The following NASP variants were observed in gnomAD, a reference collection of about 807,000 sequenced individuals.
NASP encodes the protein nuclear autoantigenic sperm protein.
NASP carries 24 observed loss-of-function variants against 89.5 expected under a neutral mutation model. The observed-to-expected ratio is 0.27, with a 90% confidence interval of 0.19 to 0.38. The LOEUF is 0.38. Among genes scored for constraint, NASP ranks in the 10% least tolerant of loss-of-function variants. The probability of loss-of-function intolerance (pLI) is 1.00; values close to 1 mark genes in which losing one functional copy is unlikely to be tolerated. For missense variants in NASP, 848 were observed against 921.4 expected (o/e 0.92, Z 1.03); for synonymous variants, 306 against 324.7 (o/e 0.94, Z 0.62).
At chr1:45,584,945 C>T (rs1195222180) in intron 1 of NASP, among the ~76,000 whole-genome samples, 2 of 152,186 alleles carry the variant, frequency 1.3e-5, no homozygotes, top group African/African-American at 4.8e-5. Flanking sequence ...GATTGTCGTT[C>T]TTTAGACTTT....
Position 45,607,402 on chromosome 1 carries a change from C to G in NASP, c.491C>G (p.Ser164Cys), listed in dbSNP as rs367984886. ...KEEAKKTEDK[S>C]LAKPETDKEQ... is the part of the protein sequence containing the mutation. ...GAAGCCAAAAAAACAGAAGACAAGT[C>G]TTTGGCAAAGCCTGAAACTGATAAA... is the stretch of plus-strand genomic sequence containing the variant. The change falls in exon 6 of 15, where the codon TCT (serine) becomes TGT (cysteine). Residue 164 changes from serine to cysteine, a missense_variant. Coordinates refer to ENST00000350030, the MANE Select transcript of NASP (RefSeq NM_002482.4). 1 of 1,613,968 alleles carries G rather than the reference C, an allele frequency of 6.2e-7. No individual in the cohort carries two copies. The highest frequency in any genetic ancestry group is 1.3e-5 in the African/African-American group (1 of 75,026).
At chr1:45,603,107 C>T (rs1277697237) in intron 3 of NASP, among the ~76,000 whole-genome samples, 2 of 152,154 alleles carry the variant, frequency 1.3e-5, no homozygotes, top group Non-Finnish European at 1.5e-5. Flanking sequence ...TAGCTACCAC[C>T]AGGTAGCCAT....
rs1318891328 is a variant in NASP at position 45,606,355 on chromosome 1, T to C, written c.300-127T>C. The C allele has an allele frequency of 9.7e-6, 6 of 616,600 alleles. 1 individual carries two copies. The highest frequency in any genetic ancestry group is 8.1e-4 in the Middle Eastern group (2 of 2,464). 38.2% of individuals were successfully genotyped at this position (616,600 alleles called of 1,614,324 possible). The stretch of plus-strand genomic sequence containing the variant: ...TGATCATTGCTTCCTTGAATATACA[T>C]AGTTTTGTATTGCCTGCGCTTGGCT... On this transcript the variant is annotated intron_variant, in intron 4 of 14. Coordinates refer to ENST00000350030, the MANE Select transcript of NASP (RefSeq NM_002482.4).
At chr1:45,588,319 G>A (rs1644587381) in intron 1 of NASP, among the ~76,000 whole-genome samples, 1 of 151,656 alleles carries the variant, frequency 6.6e-6, no homozygotes, top group African/African-American at 2.4e-5. Context: ...GGCCAGGCTG[G>A]TCTCGAACTC....
Position 45,615,054 on chromosome 1 carries a change from A to C in NASP, c.1708A>C (p.Asn570His), listed in dbSNP as rs1328612933. The C allele has an allele frequency of 6.2e-7, 1 of 1,614,116 alleles. No homozygotes were observed. Among genetic ancestry groups the C allele is most frequent in the Non-Finnish European group, 8.5e-7 (1 of 1,180,008 alleles). ...QAVEEFQSCL[N>H]LQEQYLEAHD... ...TGTGGAGGAGTTCCAGTCCTGCCTT[A>C]ACCTGCAGGAACAGTACCTGGAAGC... is the stretch of plus-strand genomic sequence containing the variant. The change falls in exon 10 of 15, where the codon AAC (asparagine) becomes CAC (histidine). Residue 570 changes from asparagine (N) to histidine (H), a missense_variant. Transcript: ENST00000350030.
rs1216489451 is a variant in NASP at position 45,607,703 on chromosome 1, A to T, written c.792A>T (p.Gly264=). The T allele has an allele frequency of 6.2e-7, 1 of 1,614,152 alleles. No homozygotes were observed. Among genetic ancestry groups the T allele is most frequent in the East Asian group, 2.2e-5 (1 of 44,890 alleles). ...CREKGGQEKQ[G]EVIVSIEEKP... is the part of the protein sequence containing the mutation. ...AAAAAGGAGGTCAGGAGAAGCAGGGAGAGGTAATTGTGAGCATAGAGGAGA... is the reference window on the plus strand; with the variant it reads ...AAAAAGGAGGTCAGGAGAAGCAGGGTGAGGTAATTGTGAGCATAGAGGAGA... Residue 264 remains glycine (G), a synonymous_variant, in exon 6 of 15, where the codon GGA becomes GGT. Transcript: ENST00000350030.
chr1:45,603,889 G>A (rs187776116), intron 3 of NASP, among the ~76,000 whole-genome samples: 215 of 152,290 alleles, frequency 1.4e-3, no homozygotes, highest in African/African-American at 4.1e-3. Flanking sequence ...GATTACAGGC[G>A]TGAGCCACTG....
intron 2 of NASP, among the ~76,000 whole-genome samples, chr1:45,597,120 C>G (rs1365931409): frequency 6.6e-6 from 1 of 152,040 alleles, no homozygotes; most frequent in Non-Finnish European, 1.5e-5. Context: ...ACCAGCCTGG[C>G]CAACATGGTG....
chr1:45,615,662 A>G (rs1201052205), intron 11 of NASP, 191 bp downstream of exon 11: 2 of 566,694 alleles, frequency 3.5e-6, no homozygotes, highest in African/African-American at 3.8e-5. Flanking sequence ...TTAATTCCAT[A>G]CTTACGTGTG....
rs768372275 is a variant in NASP, at chr1:45,618,255, G to C, written c.*114G>C. 9 of 863,118 alleles carry C rather than the reference G, an allele frequency of 1.0e-5. No homozygotes were observed. Among genetic ancestry groups the C allele is most frequent in the Non-Finnish European group, 1.6e-5 (9 of 562,546 alleles). The allele number at this position is 863,118 out of a possible 1,614,324, so 53.5% of individuals were successfully genotyped here. On this transcript the variant is annotated 3_prime_UTR_variant, in exon 15 of 15. Transcript: ENST00000350030. The stretch of plus-strand genomic sequence containing the variant: ...ATAAAGATTGTAAGCAAAGGTTGAG[G>C]CTTTGATGGTTTTTTTCTTAATTAT...
chr1:45,592,720 G>C (rs1192284735), intron 2 of NASP: 1 of 152,110 alleles, frequency 6.6e-6, no homozygotes, highest in Non-Finnish European at 1.5e-5. Flanking sequence ...TCGCCATGTT[G>C]GTCAGGCTGG....
At chr1:45,586,298 TGTGTGTGTGTG>T (rs1570941077) in intron 1 of NASP, among the ~76,000 whole-genome samples, 126 of 96,594 alleles carry the variant, frequency 1.3e-3, no homozygotes, top group African/African-American at 5.2e-3. Context: ...TGTGTGTGTG[TGTGTGTGTGTG>T]GTGTGTGTGT....
intron 2 of NASP, among the ~76,000 whole-genome samples, chr1:45,601,581 C>T (rs1643844641): frequency 6.6e-6 from 1 of 151,952 alleles, no homozygotes. Flanking sequence ...CTGCCTCTTG[C>T]CCTGTTTACC....
chr1:45,616,468 T>A, intron 12 of NASP, 75 bp downstream of exon 12: 1 of 1,552,080 alleles, frequency 6.4e-7, no homozygotes, highest in Non-Finnish European at 8.9e-7. Flanking sequence ...CCCAGCATTT[T>A]GGGAGGCCAA....
chr1:45,591,968 G>C (rs1643560649), intron 2 of NASP, among the ~76,000 whole-genome samples: 1 of 152,116 alleles, frequency 6.6e-6, no homozygotes, highest in African/African-American at 2.4e-5. Context: ...CTGTAGGCAT[G>C]CACCACCACA....
At position 45,614,278 on chromosome 1, in the gene NASP, T is replaced by C. The variant is rs1419137367; in HGVS notation, c.1593-15T>C. On this transcript the variant is annotated splice_polypyrimidine_tract_variant and intron_variant, in intron 8 of 14. Coordinates refer to ENST00000350030, the MANE Select transcript of NASP (RefSeq NM_002482.4). ...AGGTACTGTTAAGGTTTTTGATCAA[T>C]TTTCCTTCTTTTAGGCAAGAAACAA... The C allele has an allele frequency of 1.2e-6, 2 of 1,612,548 alleles. No homozygotes were observed. Among genetic ancestry groups the C allele is most frequent in the Non-Finnish European group, 1.7e-6 (2 of 1,178,696 alleles).
intron 12 of NASP, 116 bp downstream of exon 12, chr1:45,616,509 A>G: frequency 1.3e-6 from 2 of 1,497,642 alleles, no homozygotes; most frequent in Admixed American, 1.7e-5. Context: ...CTTGGAATTC[A>G]ACACTAGCTT....
intron 4 of NASP, 63 bp downstream of exon 4, chr1:45,605,079 T>C: frequency 1.5e-6 from 2 of 1,293,170 alleles, no homozygotes; most frequent in Non-Finnish European, 2.2e-6. Flanking sequence ...GCTTTGAGAT[T>C]TCACAGGAGC....
At chr1:45,595,706 G>A (rs1024754096) in intron 2 of NASP, among the ~76,000 whole-genome samples, 3 of 152,214 alleles carry the variant, frequency 2.0e-5, no homozygotes, top group African/African-American at 7.2e-5. Flanking sequence ...GCAACAAATA[G>A]TACTAGCAAT....
Sources: gnomAD v4.1 joint callset for allele counts (sites outside exome capture counted in the v4.1 genomes callset) on GRCh38, gnomAD v4.1.1 for gene constraint, MANE v1.5 for transcripts, NCBI Gene and HGNC (gene_info 2026-07-23, HGNC 2026-07-21) for gene names.